Variants in BCAR3 observed in about 807,000 individuals in gnomAD.
BCAR3 encodes BCAR3 adaptor protein, NSP family member, also known as breast cancer anti-estrogen resistance protein 3.
BCAR3 carries 37 observed loss-of-function variants against 80.1 expected under a neutral mutation model. That is an observed-to-expected ratio of 0.46 (90% CI 0.36 to 0.61). The LOEUF (loss-of-function observed/expected upper bound fraction) is 0.61, where lower values mean the gene tolerates loss of function less well. Ranked by LOEUF, BCAR3 falls within the 20% of genes least tolerant of loss-of-function variation. The probability of loss-of-function intolerance (pLI) is 0.00; values close to 1 mark genes in which losing one functional copy is unlikely to be tolerated. For missense variants in BCAR3, 978 were observed against 1,068.2 expected (o/e 0.92, Z 1.18); for synonymous variants, 389 against 418.9 (o/e 0.93, Z 0.87).
At position 93,578,349 on chromosome 1, in the gene BCAR3, GC is replaced by G. The variant is rs1335805581; in HGVS notation, c.1687-2221del. ...TCTGCACCCAACTCAACTGTAAAGT[GC>G]CTTGAAGGCAAGAAACTGGTATGAG... On this transcript the variant is annotated intron_variant, in intron 7 of 11. Coordinates refer to ENST00000260502, the MANE Select transcript of BCAR3 (RefSeq NM_003567.4). Among the ~76,000 whole-genome samples the G allele has an allele frequency of 2.2e-4, 34 of 152,312 alleles. 1 individual carries two copies. Among genetic ancestry groups the G allele is most frequent in the African/African-American group, 8.2e-4 (34 of 41,564 alleles).
At chr1:93,739,222 C>T (rs1285739839) in intron 2 of BCAR3, among the ~76,000 whole-genome samples, 1 of 152,112 alleles carries the variant, frequency 6.6e-6, no homozygotes, top group African/African-American at 2.4e-5. Flanking sequence ...CCTTAGATGA[C>T]CCCTACTCCA....
intron 2 of BCAR3, among the ~76,000 whole-genome samples, chr1:93,801,291 C>T (rs967731313): frequency 2.6e-5 from 4 of 152,146 alleles, no homozygotes; most frequent in African/African-American, 7.2e-5. Context: ...TTAGCGGCTT[C>T]GTTGTCTTTC....
At chr1:93,641,346 AC>A (rs1431073769) in intron 3 of BCAR3, among the ~76,000 whole-genome samples, 1 of 152,178 alleles carries the variant, frequency 6.6e-6, no homozygotes, top group Non-Finnish European at 1.5e-5. Flanking sequence ...ATACTCTGAA[AC>A]TAGGATGCTG....
chr1:93,671,844 A>G (rs1308709897), intron 2 of BCAR3, among the ~76,000 whole-genome samples: 1 of 152,150 alleles, frequency 6.6e-6, no homozygotes, highest in East Asian at 1.9e-4. Context: ...AATATAAGGT[A>G]TTTTGTACTC....
chr1:93,759,349 C>G (rs1038173506), intron 2 of BCAR3, among the ~76,000 whole-genome samples: 1 of 152,172 alleles, frequency 6.6e-6, no homozygotes, highest in East Asian at 1.9e-4. Flanking sequence ...CTAAGTAACA[C>G]TGGCCAAGGG....
At chr1:93,844,042 G>C (rs1235459759) in intron 2 of BCAR3, among the ~76,000 whole-genome samples, 1 of 152,178 alleles carries the variant, frequency 6.6e-6, no homozygotes, top group Non-Finnish European at 1.5e-5. Flanking sequence ...CTGCTGGCCA[G>C]GCACGGTAGC....
intron 7 of BCAR3, among the ~76,000 whole-genome samples, chr1:93,577,128 G>A (rs144333567): frequency 8.7e-4 from 132 of 152,232 alleles, no homozygotes; most frequent in African/African-American, 2.9e-3. Context: ...TACTTAAGCC[G>A]GGGTGAGAGC....
intron 3 of BCAR3, among the ~76,000 whole-genome samples, chr1:93,694,641 C>T (rs561069486): frequency 6.6e-6 from 1 of 152,300 alleles, no homozygotes; most frequent in East Asian, 1.9e-4. Context: ...TTAAAGTCAC[C>T]TGATCATCAG....
At chr1:93,577,697 C>G (rs561189977) in intron 7 of BCAR3, among the ~76,000 whole-genome samples, 1 of 152,216 alleles carries the variant, frequency 6.6e-6, no homozygotes, top group African/African-American at 2.4e-5. Flanking sequence ...CCCAGACGCA[C>G]GCCATGCACG....
intron 3 of BCAR3, among the ~76,000 whole-genome samples, chr1:93,635,061 CA>C (rs917517152): frequency 3.3e-5 from 5 of 151,974 alleles, no homozygotes; most frequent in African/African-American, 1.2e-4. Flanking sequence ...CCCATCTCTA[CA>C]AAAAATAAAC....
At position 93,652,154 on chromosome 1, in the gene BCAR3, G is replaced by A. The variant is rs147177030; in HGVS notation, c.318-9811C>T. On this transcript the variant is annotated intron_variant, in intron 2 of 11. Transcript: ENST00000260502. ...AGGTGAACCCAGCAAGGCCTGCTAC[G>A]GGAGCCTTGTTCATTCTGTTCTGAA... Among the ~76,000 whole-genome samples, 1,026 of 152,238 alleles carry A rather than the reference G, an allele frequency of 6.7e-3. 9 individuals are homozygous for A. The highest frequency in any genetic ancestry group is 9.1e-3 in the Non-Finnish European group (617 of 68,016).
chr1:93,656,709 T>C (rs538619946), intron 2 of BCAR3, among the ~76,000 whole-genome samples: 5 of 151,662 alleles, frequency 3.3e-5, no homozygotes, highest in African/African-American at 1.2e-4. Context: ...GCTTAAACGA[T>C]CTTCCTGCTG....
chr1:93,676,104 C>T (rs919915722), intron 1 of BCAR3, among the ~76,000 whole-genome samples: 1 of 152,092 alleles, frequency 6.6e-6, no homozygotes, highest in African/African-American at 2.4e-5. Context: ...GTTCTCCAAC[C>T]CAGCAGCCCT....
chr1:93,642,761 A>G (rs1676023697), intron 2 of BCAR3, among the ~76,000 whole-genome samples: 2 of 152,222 alleles, frequency 1.3e-5, no homozygotes, highest in African/African-American at 4.8e-5. Flanking sequence ...TTGTGCCCAC[A>G]TTGACAGTAA....
At chr1:93,710,611 C>T (rs1170483462) in intron 2 of BCAR3, among the ~76,000 whole-genome samples, 1 of 152,178 alleles carries the variant, frequency 6.6e-6, no homozygotes, top group East Asian at 1.9e-4. Flanking sequence ...GCCTCATTTG[C>T]TCTCTGAACT....
intron 2 of BCAR3, among the ~76,000 whole-genome samples, chr1:93,707,794 A>T (rs562086679): frequency 1.3e-5 from 2 of 152,370 alleles, no homozygotes; most frequent in African/African-American, 2.4e-5. Flanking sequence ...TGGACATTAG[A>T]TCAAAAAGAA....
intron 2 of BCAR3, among the ~76,000 whole-genome samples, chr1:93,736,155 A>G (rs1445408188): frequency 6.6e-6 from 1 of 152,232 alleles, no homozygotes; most frequent in Non-Finnish European, 1.5e-5. Context: ...TGAACATTCA[A>G]TTGTATGAAG....
chr1:93,693,953 T>C (rs1649292472), intron 3 of BCAR3, among the ~76,000 whole-genome samples: 1 of 152,238 alleles, frequency 6.6e-6, no homozygotes, highest in Non-Finnish European at 1.5e-5. Context: ...CTCTGTGTGC[T>C]TTGCCCACTT....
intron 2 of BCAR3, among the ~76,000 whole-genome samples, chr1:93,823,892 G>A (rs1453221264): frequency 7.5e-6 from 1 of 132,874 alleles, no homozygotes; most frequent in South Asian, 3.1e-4. Context: ...TAGAGATGGG[G>A]TTTCACCATG....
Sources: allele counts gnomAD v4.1 joint callset (sites outside exome capture counted in the v4.1 genomes callset), GRCh38; gene constraint gnomAD v4.1.1; transcripts MANE v1.5; gene names NCBI Gene and HGNC (gene_info 2026-07-23, HGNC 2026-07-21).